Variants in PREX2 observed in about 807,000 individuals in gnomAD.
PREX2 encodes the protein phosphatidylinositol 3,4,5-trisphosphate-dependent Rac exchanger 2 protein.
PREX2 carries 107 observed loss-of-function variants against 203.2 expected under a neutral mutation model. The observed-to-expected ratio is 0.53, with a 90% CI of 0.45 to 0.62. PREX2 has a LOEUF of 0.62. Ranked by LOEUF, PREX2 falls within the 20% of genes least tolerant of loss-of-function variation. PREX2 has a pLI of 0.00. For synonymous variants in PREX2, 672 were observed against 663.6 expected (o/e 1.01, Z -0.19); for missense variants, 1,777 against 1,955.9 (o/e 0.91, Z 1.72).
chr8:68,048,342 C>G (rs1350115182), intron 8 of PREX2, among the ~76,000 whole-genome samples: 3 of 152,054 alleles, frequency 2.0e-5, no homozygotes, highest in Admixed American at 2.0e-4. Flanking sequence ...TTAGTATTCT[C>G]TCTTATGCAC....
At chr8:68,105,385 A>G (rs1810380046) in intron 23 of PREX2, 1 of 1,352,852 alleles carries the variant, frequency 7.4e-7, no homozygotes. Flanking sequence ...GGAACAGTTC[A>G]GGCACCCTTA....
At chr8:68,180,010 A>G (rs898207178) in intron 35 of PREX2, among the ~76,000 whole-genome samples, 1 of 151,774 alleles carries the variant, frequency 6.6e-6, no homozygotes, top group African/African-American at 2.4e-5. Flanking sequence ...CCTTTTGTCT[A>G]TTTTCTCCTC....
At chr8:67,960,801 C>T (rs577648137) in intron 1 of PREX2, among the ~76,000 whole-genome samples, 25 of 152,034 alleles carry the variant, frequency 1.6e-4, no homozygotes, top group Non-Finnish European at 3.2e-4. Context: ...ATGATTTGGA[C>T]ACACACTTTC....
At chr8:68,217,869 G>A (rs1279972209) in intron 38 of PREX2, 151 bp downstream of exon 38, 1 of 490,688 alleles carries the variant, frequency 2.0e-6, no homozygotes. Context: ...ATGCTCCCAG[G>A]GAGAAGATGC....
At chr8:68,099,636 A>G (rs778513277) in intron 22 of PREX2, 46 bp from the exon 23 acceptor site, 28 of 1,559,372 alleles carry the variant, frequency 1.8e-5, no homozygotes, top group Non-Finnish European at 2.5e-5. Context: ...GTGTGTCTGT[A>G]TGTGTGTTTG....
At chr8:68,160,988 C>A (rs756089594) in intron 35 of PREX2, among the ~76,000 whole-genome samples, 102 of 152,062 alleles carry the variant, frequency 6.7e-4, no homozygotes, top group Non-Finnish European at 8.4e-4. Flanking sequence ...TTTAATAAAA[C>A]CTTATAAACA....
intron 32 of PREX2, among the ~76,000 whole-genome samples, chr8:68,134,507 G>A (rs3793381): frequency 0.11 from 17,157 of 152,120 alleles, 1,247 homozygotes; most frequent in East Asian, 0.2. Context: ...GCTAAAAGCT[G>A]AGAAAGCCTC....
chr8:68,169,916 T>G (rs529918258), intron 35 of PREX2, among the ~76,000 whole-genome samples: 13 of 152,274 alleles, frequency 8.5e-5, no homozygotes, highest in Admixed American at 2.0e-4. Context: ...AACAAGTCCA[T>G]AAACAAAGTC....
At chr8:68,014,637 G>A (rs1667947750) in intron 1 of PREX2, among the ~76,000 whole-genome samples, 1 of 152,178 alleles carries the variant, frequency 6.6e-6, no homozygotes, top group Non-Finnish European at 1.5e-5. Flanking sequence ...CCAAGTGGTT[G>A]GGTGAGAGGG....
At chr8:68,036,774 C>T (rs983821845) in intron 6 of PREX2, among the ~76,000 whole-genome samples, 4 of 151,936 alleles carry the variant, frequency 2.6e-5, no homozygotes, top group African/African-American at 7.3e-5. Context: ...GGAGAAACCC[C>T]GTCTCTTCTA....
At chr8:68,067,645 T>C (rs1445171775) in intron 11 of PREX2, among the ~76,000 whole-genome samples, 3 of 152,070 alleles carry the variant, frequency 2.0e-5, no homozygotes, top group Non-Finnish European at 1.5e-5. Context: ...TGGTTTTCTA[T>C]ATATAAGTTC....
chr8:68,221,258 C>T (rs756059774), intron 38 of PREX2, among the ~76,000 whole-genome samples: 1 of 152,070 alleles, frequency 6.6e-6, no homozygotes, highest in Non-Finnish European at 1.5e-5. Context: ...TTTATCCAGC[C>T]CACTGTTGAT....
At chr8:67,954,008 T>C (rs1420879202) in intron 1 of PREX2, among the ~76,000 whole-genome samples, 1 of 152,232 alleles carries the variant, frequency 6.6e-6, no homozygotes, top group Non-Finnish European at 1.5e-5. Flanking sequence ...CAAAGTACTG[T>C]GCAGAATGCT....
In PREX2 at chr8:68,191,747, T is replaced by G; in HGVS notation, c.4372T>G (p.Ser1458Ala). The G allele has an allele frequency of 1.9e-6, 3 of 1,610,996 alleles. No homozygotes were observed. The highest frequency in any genetic ancestry group is 2.5e-6 in the Non-Finnish European group (3 of 1,177,316). The change falls in exon 36 of 40, where the codon TCA (serine) becomes GCA (alanine). Residue 1458 changes from serine (S) to alanine (A), a missense_variant. Physicochemically the swap from Ser to Ala is moderately conservative, Grantham distance 99. Coordinates refer to ENST00000288368, the MANE Select transcript of PREX2 (RefSeq NM_024870.4). ...LRAFYLDKSN[S>A]PPNSTSKAAY... ...GGCATTCTACTTGGACAAGTCAAAT[T>G]CACCACCAAACTCCACATCCAAAGC... is the stretch of plus-strand genomic sequence containing the variant.
intron 36 of PREX2, among the ~76,000 whole-genome samples, chr8:68,192,000 A>C (rs568698862): frequency 1.2e-4 from 18 of 152,322 alleles, no homozygotes; most frequent in East Asian, 1.9e-4. Context: ...CAGTTTTGTT[A>C]CATAGGTATA....
Position 68,125,529 on chromosome 8 carries a change from G to C in PREX2, c.3725-1849G>C, listed in dbSNP as rs186884473. On this transcript the variant is annotated intron_variant, in intron 30 of 39. Transcript: ENST00000288368. Reference sequence around the variant, plus strand: ...ATAGCAGATTAAACTGTGTGTAGAAGAGAGCAGAGAAGATAGTGAATTAAG... The same window carrying C: ...ATAGCAGATTAAACTGTGTGTAGAACAGAGCAGAGAAGATAGTGAATTAAG... Among the ~76,000 whole-genome samples the C allele has an allele frequency of 1.4e-3, 217 of 152,210 alleles. 3 individuals are homozygous for C. The highest frequency in any genetic ancestry group is 1.0e-3 in the Non-Finnish European group (68 of 67,986).
At chr8:68,132,547 G>A (rs572688163) in intron 31 of PREX2, among the ~76,000 whole-genome samples, 2 of 152,024 alleles carry the variant, frequency 1.3e-5, no homozygotes, top group South Asian at 2.1e-4. Context: ...CAGTGAAACC[G>A]AGTATCATAG....
intron 32 of PREX2, 146 bp from the exon 33 acceptor site, chr8:68,138,269 A>T (rs1466971353): frequency 1.0e-5 from 4 of 400,776 alleles, no homozygotes; most frequent in Non-Finnish European, 1.8e-5. Flanking sequence ...GCAGTAAATT[A>T]TTACAGAAGT....
intron 30 of PREX2, among the ~76,000 whole-genome samples, chr8:68,123,063 A>G (rs1220354056): frequency 1.3e-5 from 2 of 152,034 alleles, no homozygotes; most frequent in Non-Finnish European, 2.9e-5. Context: ...ATCTTTGTTA[A>G]TCTTCTGCCT....
Sources: allele counts gnomAD v4.1 joint callset (sites outside exome capture counted in the v4.1 genomes callset), GRCh38; gene constraint gnomAD v4.1.1; transcripts MANE v1.5; gene names NCBI Gene and HGNC (gene_info 2026-07-23, HGNC 2026-07-21).